Variants in IL1RAPL2 observed in about 807,000 individuals in gnomAD.
The protein encoded by IL1RAPL2 is X-linked interleukin-1 receptor accessory protein-like 2.
Under a neutral mutation model 44.1 loss-of-function variants are expected in IL1RAPL2, and 3 were observed. The ratio of observed to expected loss-of-function variants is 0.07; its 90% CI spans 0.03 to 0.18. IL1RAPL2 has a LOEUF of 0.18. IL1RAPL2 is among the 10% of genes least tolerant of loss of function. The probability of loss-of-function intolerance (pLI) is 1.00; values close to 1 mark genes in which losing one functional copy is unlikely to be tolerated. For synonymous variants in IL1RAPL2, 181 were observed against 178.8 expected, an observed-to-expected ratio of 1.01 and a Z score of -0.10; for missense variants, 391 against 496.4, an observed-to-expected ratio of 0.79 and a Z score of 2.02.
At chrX:105,156,107 T>G (rs2033266659) in intron 2 of IL1RAPL2, among the ~76,000 whole-genome samples, 1 of 111,861 alleles carries the variant, frequency 8.9e-6, no homozygotes, top group South Asian at 3.8e-4. Context: ...TGAGGATGTT[T>G]TACCTCTACA....
In IL1RAPL2 at chrX:104,574,396, A is replaced by G. The variant is rs769972274; in HGVS notation, c.-20+7345A>G. Among the ~76,000 whole-genome samples, 4 of 112,051 alleles carry G rather than the reference A, an allele frequency of 3.6e-5. 1 individual carries two copies. The South Asian group carries it at 1.5e-3, about 42-fold the overall frequency. The stretch of plus-strand genomic sequence containing the variant: ...AATAGTTTTCACATATCAGATTAAG[A>G]AGGCTTCAAAACCAACATAAAACAT... On this transcript the variant is annotated intron_variant, in intron 1 of 10. Transcript: ENST00000372582.
chrX:105,204,022 C>G (rs1453896620), intron 3 of IL1RAPL2, among the ~76,000 whole-genome samples: 1 of 112,002 alleles, frequency 8.9e-6, no homozygotes, highest in African/African-American at 3.2e-5. Flanking sequence ...AGTTCTCATA[C>G]TCTAAACTAA....
At chrX:104,721,135 T>C (rs1389982014) in intron 2 of IL1RAPL2, among the ~76,000 whole-genome samples, 1 of 111,413 alleles carries the variant, frequency 9.0e-6, no homozygotes, top group African/African-American at 3.3e-5. Context: ...TCCTCAAAGA[T>C]CTAGAACCAG....
intron 6 of IL1RAPL2, among the ~76,000 whole-genome samples, chrX:105,486,639 C>T (rs2036268777): frequency 9.0e-6 from 1 of 110,891 alleles, no homozygotes; most frequent in African/African-American, 3.3e-5. Context: ...AGCCATATGA[C>T]GGTCTCGTAT....
At chrX:105,285,955 G>A (rs1174159596) in intron 5 of IL1RAPL2, among the ~76,000 whole-genome samples, 1 of 111,278 alleles carries the variant, frequency 9.0e-6, no homozygotes, top group Non-Finnish European at 1.9e-5. Context: ...ACTAACCTTG[G>A]CACACTCCAT....
At chrX:105,079,943 A>C (rs182548478) in intron 2 of IL1RAPL2, among the ~76,000 whole-genome samples, 5 of 112,043 alleles carry the variant, frequency 4.5e-5, no homozygotes, top group African/African-American at 1.3e-4. Context: ...ACATTTCTCT[A>C]ATGACCAGTG....
In IL1RAPL2 at chrX:105,031,175, C is replaced by T. The variant is rs2031485823; in HGVS notation, c.83-164300C>T. ...CGATGGGGTTTTCTAGATATACAAT[C>T]ATGACATCTGCAAACAGGGACAATT... On this transcript the variant is annotated intron_variant, in intron 2 of 10. Transcript: ENST00000372582. 3.6e-5 allele frequency among the ~76,000 whole-genome samples: 4 copies of T among 110,264 alleles called. No individual in the cohort carries two copies. The South Asian group carries it at 1.6e-3, about 43-fold the overall frequency.
intron 2 of IL1RAPL2, among the ~76,000 whole-genome samples, chrX:105,030,744 C>T (rs1440036918): frequency 9.0e-6 from 1 of 111,575 alleles, no homozygotes; most frequent in African/African-American, 3.3e-5. Context: ...TTTTTGGTTC[C>T]ATATGAACTT....
At position 105,447,272 on chromosome X, in the gene IL1RAPL2, A is replaced by G. The variant is rs1381238876; in HGVS notation, c.698-37041A>G. Among the ~76,000 whole-genome samples the G allele has an allele frequency of 4.2e-3, 201 of 48,052 alleles. 1 individual carries two copies. Among genetic ancestry groups the G allele is most frequent in the Middle Eastern group, 0.043 (2 of 46 alleles). 41.7% of individuals were successfully genotyped at this position (48,052 alleles called of 115,157 possible). ...AATATATATAAATATATATAAATAT[A>G]TATAAAATATATATAAATATAAATA... On this transcript the variant is annotated intron_variant, in intron 5 of 10. Coordinates refer to ENST00000372582, the MANE Select transcript of IL1RAPL2 (RefSeq NM_017416.2).
chrX:105,072,405 C>T (rs187105712), intron 2 of IL1RAPL2, among the ~76,000 whole-genome samples: 31 of 111,102 alleles, frequency 2.8e-4, no homozygotes, highest in African/African-American at 9.8e-4. Flanking sequence ...TATAAAGATA[C>T]CAAAAAATGT....
At chrX:105,095,195 A>G (rs2032590198) in intron 2 of IL1RAPL2, among the ~76,000 whole-genome samples, 2 of 111,183 alleles carry the variant, frequency 1.8e-5, no homozygotes, top group Non-Finnish European at 3.8e-5. Flanking sequence ...CTGTACCTCC[A>G]GTACAATGTT....
At chrX:105,131,925 G>A (rs1304893572) in intron 2 of IL1RAPL2, among the ~76,000 whole-genome samples, 2 of 111,220 alleles carry the variant, frequency 1.8e-5, no homozygotes, top group Non-Finnish European at 3.8e-5. Flanking sequence ...GACTAAAAGG[G>A]CATTGAAATT....
intron 6 of IL1RAPL2, among the ~76,000 whole-genome samples, chrX:105,503,420 T>G (rs2147783099): frequency 8.9e-6 from 1 of 111,940 alleles, no homozygotes; most frequent in African/African-American, 3.2e-5. Flanking sequence ...TTAATGCGCT[T>G]TGGTCTTGGT....
intron 2 of IL1RAPL2, among the ~76,000 whole-genome samples, chrX:104,683,358 T>C (rs1014271855): frequency 1.8e-5 from 2 of 111,358 alleles, no homozygotes; most frequent in Non-Finnish European, 3.8e-5. Flanking sequence ...ATGAAAAAAA[T>C]AATGAGGGGT....
chrX:105,389,449 T>C (rs1440352373), intron 5 of IL1RAPL2, among the ~76,000 whole-genome samples: 1 of 112,241 alleles, frequency 8.9e-6, no homozygotes, highest in African/African-American at 3.2e-5. Context: ...GGTTTTAACT[T>C]GATTATGTAC....
intron 6 of IL1RAPL2, among the ~76,000 whole-genome samples, chrX:105,488,559 G>A (rs979657096): frequency 8.9e-6 from 1 of 112,367 alleles, no homozygotes; most frequent in Non-Finnish European, 1.9e-5. Flanking sequence ...TAAGTTAGGG[G>A]TAGTTTGTTA....
intron 6 of IL1RAPL2, among the ~76,000 whole-genome samples, chrX:105,512,021 C>T (rs1388946732): frequency 1.8e-5 from 2 of 110,709 alleles, no homozygotes; most frequent in South Asian, 7.7e-4. Flanking sequence ...GAATACTTAA[C>T]GACTCGAATT....
chrX:105,670,997 GA>G (rs1156549108), intron 6 of IL1RAPL2, among the ~76,000 whole-genome samples: 3 of 108,526 alleles, frequency 2.8e-5, no homozygotes, highest in African/African-American at 1.0e-4. Context: ...ACCCAGGCTG[GA>G]GTGCAACTGT....
chrX:104,764,656 G>A (rs1261574510), intron 2 of IL1RAPL2, among the ~76,000 whole-genome samples: 1 of 111,884 alleles, frequency 8.9e-6, no homozygotes, highest in Non-Finnish European at 1.9e-5. Flanking sequence ...AAGGCTTTCA[G>A]CTTTTTCTCA....
Sources: gnomAD v4.1 joint callset for allele counts (sites outside exome capture counted in the v4.1 genomes callset) on GRCh38, gnomAD v4.1.1 for gene constraint, MANE v1.5 for transcripts, NCBI Gene and HGNC (gene_info 2026-07-23, HGNC 2026-07-21) for gene names.